Variants in PGGT1B observed in about 807,000 individuals in gnomAD.
PGGT1B encodes protein geranylgeranyltransferase type I subunit beta, also known as geranylgeranyl transferase type-1 subunit beta.
Under a neutral mutation model 46.1 loss-of-function variants are expected in PGGT1B, and 30 were observed. The ratio of observed to expected loss-of-function variants is 0.65; its 90% confidence interval spans 0.49 to 0.88. PGGT1B has a LOEUF of 0.88. PGGT1B is among the 40% of genes least tolerant of loss of function. The probability of loss-of-function intolerance (pLI) is 0.00; values close to 1 mark genes in which losing one functional copy is unlikely to be tolerated. For missense variants in PGGT1B, 376 were observed against 455.9 expected, an observed-to-expected ratio of 0.82 and a Z score of 1.60; for synonymous variants, 170 against 160.0, an observed-to-expected ratio of 1.06 and a Z score of -0.47.
Position 115,212,511 on chromosome 5 carries a change from G to C in PGGT1B, c.1025C>G (p.Pro342Arg), listed in dbSNP as rs560504960. 6.2e-7 allele frequency: 1 copy of C among 1,613,394 alleles called. No homozygotes were observed. Among genetic ancestry groups the C allele is most frequent in the Admixed American group, 1.7e-5 (1 of 59,988 alleles). Residue 342 changes from proline to arginine, a missense_variant, in exon 9 of 9, where the codon CCT (proline) becomes CGT (arginine). Physicochemically the swap from Pro to Arg is moderately radical, Grantham distance 103 (BLOSUM62 -2). Around this residue, in one of 2 missense-constraint regions of PGGT1B, gnomAD observed 222 missense variants for 313.6 expected, o/e 0.71. Coordinates refer to ENST00000419445, the MANE Select transcript of PGGT1B (RefSeq NM_005023.4). ...AGTCCGTGTGCTTACATTCAGAGCA[G>C]GATGAACTTTACAAATTCCACTTTC... The part of the protein sequence containing the change: ...MEESGICKVH[P>R]ALNVSTRTSE...
chr5:115,227,376 C>A (rs549811834), intron 6 of PGGT1B, among the ~76,000 whole-genome samples: 2 of 152,304 alleles, frequency 1.3e-5, no homozygotes, highest in Admixed American at 6.5e-5. Context: ...AGTCAAGTAA[C>A]ACTCATTACC....
chr5:115,256,393 T>C (rs371091670), intron 1 of PGGT1B, among the ~76,000 whole-genome samples: 33 of 152,326 alleles, frequency 2.2e-4, no homozygotes, highest in Middle Eastern at 3.4e-3. Context: ...GCACTCTACA[T>C]GTAAGTGCCA....
chr5:115,226,086 TG>T (rs1756772694), intron 6 of PGGT1B, among the ~76,000 whole-genome samples: 1 of 20,334 alleles, frequency 4.9e-5, no homozygotes, highest in African/African-American at 1.6e-4. Flanking sequence ...TTGGCGGGGG[TG>T]GGGGTGGGGG....
chr5:115,234,230 T>A (rs1373127612), intron 5 of PGGT1B, among the ~76,000 whole-genome samples: 2 of 147,550 alleles, frequency 1.4e-5, no homozygotes, highest in South Asian at 4.3e-4. Context: ...AAAAAAAGAA[T>A]ATGGTATGCT....
At position 115,212,492 on chromosome 5, in the gene PGGT1B, T is replaced by C. The variant is rs140155550; in HGVS notation, c.1044A>G (p.Thr348=). The C allele has an allele frequency of 1.8e-5, 29 of 1,613,480 alleles. No individual in the cohort carries two copies. The highest frequency in any genetic ancestry group is 2.5e-5 in the Non-Finnish European group (29 of 1,179,672). Residue 348 remains threonine (T), a synonymous_variant, in exon 9 of 9, where the codon ACA becomes ACG. Transcript: ENST00000419445. Reference sequence around the variant, plus strand: ...GATCTAGAAGGCGTTCAGAAGTCCGTGTGCTTACATTCAGAGCAGGATGAA... The same window carrying C: ...GATCTAGAAGGCGTTCAGAAGTCCGCGTGCTTACATTCAGAGCAGGATGAA... The part of the protein sequence containing the change: ...CKVHPALNVS[T]RTSERLLDLH...
At chr5:115,250,782 C>T (rs987426945) in intron 2 of PGGT1B, among the ~76,000 whole-genome samples, 7 of 152,174 alleles carry the variant, frequency 4.6e-5, no homozygotes, top group Admixed American at 2.6e-4. Flanking sequence ...ATGACTAGCA[C>T]TCCAGAAGCC....
intron 5 of PGGT1B, among the ~76,000 whole-genome samples, chr5:115,234,385 G>T (rs947171039): frequency 1.5e-4 from 23 of 151,882 alleles, no homozygotes; most frequent in Non-Finnish European, 3.1e-4. Flanking sequence ...TTAAGAAGAG[G>T]GGGGAATACA....
chr5:115,221,588 TAAAAC>T (rs953847246), intron 7 of PGGT1B, among the ~76,000 whole-genome samples: 4 of 152,030 alleles, frequency 2.6e-5, no homozygotes, highest in Non-Finnish European at 5.9e-5. Context: ...TAAGTAGGCA[TAAAAC>T]TCAAGTTCTG....
chr5:115,245,945 TAAGAA>T (rs1334319335), intron 2 of PGGT1B, among the ~76,000 whole-genome samples: 3 of 152,210 alleles, frequency 2.0e-5, no homozygotes, highest in Non-Finnish European at 4.4e-5. Context: ...ATGAAGTAAC[TAAGAA>T]ATCAAGAAAA....
intron 6 of PGGT1B, among the ~76,000 whole-genome samples, chr5:115,223,978 AAAGG>A (rs1756678678): frequency 6.6e-6 from 1 of 152,190 alleles, no homozygotes; most frequent in Non-Finnish European, 1.5e-5. Context: ...ATTCTCTGGC[AAAGG>A]AAAGGTGAGC....
chr5:115,239,175 C>T (rs1301907416), intron 3 of PGGT1B, among the ~76,000 whole-genome samples: 3 of 151,836 alleles, frequency 2.0e-5, no homozygotes, highest in Non-Finnish European at 4.4e-5. Context: ...CCCAGGTAGC[C>T]GAGACTACAG....
intron 6 of PGGT1B, among the ~76,000 whole-genome samples, chr5:115,223,825 C>T (rs1463077168): frequency 6.6e-6 from 1 of 152,222 alleles, no homozygotes; most frequent in East Asian, 1.9e-4. Context: ...TTGTTGTCAA[C>T]TCCAAATAAT....
At position 115,238,029 on chromosome 5, in the gene PGGT1B, A is replaced by T. The variant is rs1757236611; in HGVS notation, c.328-20T>A. On this transcript the variant is annotated intron_variant, in intron 3 of 8. Coordinates refer to ENST00000419445, the MANE Select transcript of PGGT1B (RefSeq NM_005023.4). ...AGGAGCCTAAATACAAAATTAATAT[A>T]GTACTAATTAATGAAGTGAAATGAA... 6.6e-7 allele frequency: 1 copy of T among 1,525,432 alleles called. No homozygotes were observed. Among genetic ancestry groups the T allele is most frequent in the African/African-American group, 1.4e-5 (1 of 71,722 alleles). 94.5% of individuals were successfully genotyped at this position (1,525,432 alleles called of 1,614,324 possible).
rs1756190910 is a variant in PGGT1B, at chr5:115,210,520, T to C, written c.*1882A>G. The C allele has an allele frequency of 6.6e-6, 1 of 152,118 alleles. No individual in the cohort carries two copies. Among genetic ancestry groups the C allele is most frequent in the Admixed American group, 6.6e-5 (1 of 15,246 alleles). The allele number at this position is 152,118 out of a possible 1,614,324, so 9.4% of individuals were successfully genotyped here. ...CCCACAAGTGTATCAATTAGAAGCA[T>C]ACTAAAATTTATAATCTTATGGTAT... is the stretch of plus-strand genomic sequence containing the variant. On this transcript the variant is annotated 3_prime_UTR_variant, in exon 9 of 9. Coordinates refer to ENST00000419445, the MANE Select transcript of PGGT1B (RefSeq NM_005023.4).
chr5:115,240,957 C>T (rs1192881111), intron 3 of PGGT1B, among the ~76,000 whole-genome samples: 2 of 152,168 alleles, frequency 1.3e-5, no homozygotes, highest in Non-Finnish European at 2.9e-5. Context: ...AATAAAGCTC[C>T]TCCCTCTGTT....
chr5:115,235,079 C>A (rs1418115583), intron 5 of PGGT1B, among the ~76,000 whole-genome samples: 2 of 151,838 alleles, frequency 1.3e-5, no homozygotes, highest in African/African-American at 4.8e-5. Context: ...AGAAGATAAA[C>A]CTGGAATATC....
intron 2 of PGGT1B, among the ~76,000 whole-genome samples, chr5:115,250,300 A>C (rs1210090095): frequency 6.6e-6 from 1 of 152,208 alleles, no homozygotes; most frequent in Non-Finnish European, 1.5e-5. Context: ...ATTAGAAAAT[A>C]TTTGAAGAGC....
At chr5:115,234,844 C>T (rs1238185558) in intron 5 of PGGT1B, among the ~76,000 whole-genome samples, 1 of 151,954 alleles carries the variant, frequency 6.6e-6, no homozygotes, top group East Asian at 1.9e-4. Context: ...AATATATAGA[C>T]ATATAAATAG....
intron 6 of PGGT1B, among the ~76,000 whole-genome samples, chr5:115,229,866 T>C (rs1448496111): frequency 6.6e-6 from 1 of 152,078 alleles, no homozygotes; most frequent in Non-Finnish European, 1.5e-5. Context: ...TATGGTGTCA[T>C]AATTATAGTA....
Sources: allele counts gnomAD v4.1 joint callset (sites outside exome capture counted in the v4.1 genomes callset), GRCh38; gene constraint gnomAD v4.1.1; regional missense constraint gnomAD v4.1.1; transcripts MANE v1.5; gene names NCBI Gene and HGNC (gene_info 2026-07-23, HGNC 2026-07-21).